The following COL6A2 variants were observed in gnomAD, a reference collection of about 807,000 sequenced individuals.
COL6A2 encodes the protein collagen type VI alpha 2 chain.
COL6A2 carries 90 observed loss-of-function variants against 124.9 expected under a neutral mutation model. That is an observed-to-expected ratio of 0.72 (90% CI 0.61 to 0.86). COL6A2 has a LOEUF of 0.86. COL6A2 is among the 40% of genes least tolerant of loss of function. COL6A2 has a pLI of 0.00. For missense variants in COL6A2, 1,607 were observed against 1,502.5 expected (o/e 1.07, Z -1.15); for synonymous variants, 793 against 618.2 (o/e 1.28, Z -4.19).
chr21:46,100,434 T>G (rs185029990), intron 1 of COL6A2, among the ~76,000 whole-genome samples: 1 of 152,246 alleles, frequency 6.6e-6, no homozygotes, highest in Non-Finnish European at 1.5e-5. Context: ...GTCTTAACCA[T>G]TTTTAAGTGT....
In COL6A2 at chr21:46,126,098, C is replaced by T. The variant is rs1555875816; in HGVS notation, c.2283C>T (p.Asp761=). ...CAGTGACGGCCATCGGCATCGGGGACATGTTCCACGAGAAGCACGAGAGTG... is the reference window on the plus strand; with the variant it reads ...CAGTGACGGCCATCGGCATCGGGGATATGTTCCACGAGAAGCACGAGAGTG... ...DVTVTAIGIG[D]MFHEKHESEN... is the part of the protein sequence containing the mutation. The change falls in exon 26 of 28, where the codon GAC becomes GAT. Residue 761 remains aspartate (D), a synonymous_variant. Transcript: ENST00000300527. 3 of 1,612,726 alleles carry T rather than the reference C, an allele frequency of 1.9e-6. No individual in the cohort carries two copies. Among genetic ancestry groups the T allele is most frequent in the Non-Finnish European group, 1.7e-6 (2 of 1,180,020 alleles).
At chr21:46,126,416 A>G in intron 26 of COL6A2, 87 bp from the exon 27 acceptor site, 1 of 1,579,556 alleles carries the variant, frequency 6.3e-7, no homozygotes, top group Non-Finnish European at 8.7e-7. Flanking sequence ...CTGCACCCTG[A>G]GCCTGTCTAG....
rs757429683 is a variant in COL6A2, at chr21:46,129,451, A to C, written c.2462-2503A>C. 1.9e-6 allele frequency: 3 copies of C among 1,602,728 alleles called. No individual in the cohort carries two copies. In the Middle Eastern group the frequency reaches 5.0e-4, roughly 266 times the overall value. On this transcript the variant is annotated intron_variant, in intron 27 of 27. Transcript: ENST00000300527. Reference sequence around the variant, plus strand: ...GACACCTTTAAGCTGGTGCACAGGGACATCGTGGGGGACCCCGAGACCGCG... The same window carrying C: ...GACACCTTTAAGCTGGTGCACAGGGCCATCGTGGGGGACCCCGAGACCGCG...
intron 16 of COL6A2, 78 bp downstream of exon 16, chr21:46,120,655 G>T: frequency 7.5e-7 from 1 of 1,338,380 alleles, no homozygotes; most frequent in Non-Finnish European, 1.0e-6. Flanking sequence ...AAGGTAGGGT[G>T]GCCGGGACTG....
At chr21:46,124,583 G>T in intron 21 of COL6A2, 68 bp from the exon 22 acceptor site, 1 of 1,498,354 alleles carries the variant, frequency 6.7e-7, no homozygotes, top group South Asian at 1.1e-5. Flanking sequence ...GACAGCACAG[G>T]GGGCCCTGCT....
chr21:46,124,690 C>A lies in COL6A2; in HGVS notation c.1711C>A (p.Pro571Thr). The A allele has an allele frequency of 6.2e-7, 1 of 1,612,848 alleles. No individual in the cohort carries two copies. The highest frequency in any genetic ancestry group is 8.5e-7 in the Non-Finnish European group (1 of 1,179,914). ...GPPGEPGPRG[P>T]RGVPGPEGEP... ...CCCTGGTGAGCCAGGCCCTCGGGGG[C>A]CAAGAGGAGTCCCAGGACCCGAGGT... Residue 571 changes from proline (P) to threonine (T), a missense_variant, in exon 22 of 28, where the codon CCA becomes ACA. Around this residue, in one of 3 missense-constraint regions of COL6A2, gnomAD observed 1,223 missense variants for 1,052.2 expected, o/e 1.16. Transcript: ENST00000300527.
In COL6A2 at chr21:46,132,148, G is replaced by A. The variant is rs571488000; in HGVS notation, c.2656G>A (p.Gly886Ser). The A allele has an allele frequency of 2.5e-4, 394 of 1,570,674 alleles. No homozygotes were observed. Among genetic ancestry groups the A allele is most frequent in the Non-Finnish European group, 2.4e-4 (283 of 1,159,942 alleles). Residue 886 changes from glycine (G) to serine (S), a missense_variant, in exon 28 of 28, where the codon GGC (glycine) becomes AGC (serine). Physicochemically the swap from Gly to Ser is moderately conservative, Grantham distance 56 (BLOSUM62 0). Around this residue, in one of 3 missense-constraint regions of COL6A2, gnomAD observed 1,223 missense variants for 1,052.2 expected, o/e 1.16. Transcript: ENST00000300527. ...GGCGCTGCTGCAGTTTGGTGGCCCC[G>A]GCGAGCAGCAGGTGGCCTTCCCGCT... ...RVALLQFGGP[G>S]EQQVAFPLSH...
rs1354826916 is a variant in COL6A2 at position 46,115,875 on chromosome 21, G to A, written c.805G>A (p.Ala269Thr). Residue 269 changes from alanine (A) to threonine (T), a missense_variant, in exon 6 of 28, where the codon GCC (alanine) becomes ACC (threonine). Physicochemically the swap from Ala to Thr is moderately conservative, Grantham distance 58 (BLOSUM62 0). Around this residue, in one of 3 missense-constraint regions of COL6A2, gnomAD observed 42 missense variants for 68.7 expected, o/e 0.61. Transcript: ENST00000300527. ...GTACTCTTTTCTCTGCTTTTAGGGT[G>A]CCAAGGGCAACATGGGTGAGCCGGG... is the stretch of plus-strand genomic sequence containing the variant. ...GPKGYRGQKGAKGNMGEPGEP... is the reference protein window; with the variant it reads ...GPKGYRGQKGTKGNMGEPGEP... The A allele has an allele frequency of 5.6e-6, 9 of 1,612,894 alleles. No individual in the cohort carries two copies. Among genetic ancestry groups the A allele is most frequent in the Admixed American group, 5.0e-5 (3 of 60,028 alleles).
At chr21:46,129,780 C>T (rs775501947) in intron 27 of COL6A2, 164 of 1,287,314 alleles carry the variant, frequency 1.3e-4, no homozygotes, top group Non-Finnish European at 1.5e-4. Context: ...TCCAGAATGA[C>T]CTCGCAAGAC....
In COL6A2 at chr21:46,116,983, T is replaced by C. The variant is rs1407909455; in HGVS notation, c.999+169T>C. 2.0e-5 allele frequency among the ~76,000 whole-genome samples: 3 copies of C among 150,836 alleles called. No individual in the cohort carries two copies. Among genetic ancestry groups the C allele is most frequent in the Non-Finnish European group, 4.4e-5 (3 of 67,736 alleles). On this transcript the variant is annotated intron_variant, in intron 10 of 27. Transcript: ENST00000300527. The surrounding 1 kb of genome is among the most constrained non-coding windows in gnomAD (Gnocchi z 4.6). ...AACTTCAGCTCCTGCCACATCCCAC[T>C]GCCCCACCCAGGGCTTCACCAGCCT... is the stretch of plus-strand genomic sequence containing the variant.
At chr21:46,127,359 G>A (rs532723888) in intron 27 of COL6A2, among the ~76,000 whole-genome samples, 5 of 152,276 alleles carry the variant, frequency 3.3e-5, no homozygotes, top group South Asian at 2.1e-4. Flanking sequence ...GGGAGCTCCC[G>A]GTGGGTGAGC....
chr21:46,121,440 G>A, intron 17 of COL6A2, 116 bp from the exon 18 acceptor site: 1 of 994,542 alleles, frequency 1.0e-6, no homozygotes, highest in Non-Finnish European at 1.6e-6. Flanking sequence ...ACAGGCAGCA[G>A]GAGGAGCTGC....
chr21:46,129,041 C>T lies in COL6A2; in HGVS notation c.2461+2500C>T, dbSNP rs537725875. On this transcript the variant is annotated intron_variant, in intron 27 of 27. Coordinates refer to ENST00000300527, the MANE Select transcript of COL6A2 (RefSeq NM_001849.4). ...CTGCCCCCACGCCTCCTGCCAAGGC[C>T]GAGCCACACACCCGCTCCACCTGCA... is the stretch of plus-strand genomic sequence containing the variant. 330 of 1,601,188 alleles carry T rather than the reference C, an allele frequency of 2.1e-4. 1 individual carries two copies. The African/African-American group carries it at 3.1e-3, about 15-fold the overall frequency.
intron 21 of COL6A2, 81 bp from the exon 22 acceptor site, chr21:46,124,570 G>T: frequency 7.3e-7 from 1 of 1,362,740 alleles, no homozygotes; most frequent in Non-Finnish European, 1.0e-6. Context: ...ACCCGTGGTT[G>T]GGGACAGCAC....
intron 1 of COL6A2, among the ~76,000 whole-genome samples, chr21:46,105,836 G>GA (rs912275793): frequency 2.6e-5 from 4 of 151,864 alleles, no homozygotes; most frequent in African/African-American, 7.3e-5. Flanking sequence ...AAGGTATACA[G>GA]AAAAAAAATG....
intron 27 of COL6A2, chr21:46,129,311 G>C: frequency 1.2e-6 from 2 of 1,612,948 alleles, no homozygotes; most frequent in Non-Finnish European, 1.7e-6. Flanking sequence ...ACGCCACGGA[G>C]CTCACGCAGG....
chr21:46,120,658 C>CAGGACTGCACCCCAAGGTAG, intron 16 of COL6A2, 81 bp downstream of exon 16: 1 of 1,319,720 alleles, frequency 7.6e-7, no homozygotes, highest in East Asian at 2.6e-5. Flanking sequence ...GTAGGGTGGC[C>CAGGACTGCACCCCAAGGTAG]GGGACTGCAC....
At chr21:46,131,769 C>T (rs529397841) in intron 27 of COL6A2, among the ~76,000 whole-genome samples, 185 bp from the exon 28 acceptor site, 34 of 152,298 alleles carry the variant, frequency 2.2e-4, no homozygotes, top group Admixed American at 9.8e-4. Context: ...CCAGCAGTGC[C>T]GCCTGAAAGT....
At chr21:46,105,353 T>G (rs143014356) in intron 1 of COL6A2, among the ~76,000 whole-genome samples, 191 of 152,232 alleles carry the variant, frequency 1.3e-3, no homozygotes, top group African/African-American at 4.5e-3. Flanking sequence ...ACCACTGCAC[T>G]CCAGCCTGGG....
Sources: gnomAD v4.1 joint callset for allele counts (sites outside exome capture counted in the v4.1 genomes callset) on GRCh38, gnomAD v4.1.1 for gene constraint, gnomAD v4.1.1 regional missense constraint, Gnocchi (gnomAD v3.1) non-coding constraint, MANE v1.5 for transcripts, NCBI Gene and HGNC (gene_info 2026-07-23, HGNC 2026-07-21) for gene names.